RDX: variants seen among roughly 807,000 people sequenced by gnomAD.
RDX encodes deafness, autosomal recessive 24.
Under a neutral mutation model 83.7 loss-of-function variants are expected in RDX, and 32 were observed. The ratio of observed to expected loss-of-function variants is 0.38; its 90% CI spans 0.29 to 0.51. The LOEUF (loss-of-function observed/expected upper bound fraction) is 0.51, where lower values mean the gene tolerates loss of function less well. Among genes scored for constraint, RDX ranks in the 20% least tolerant of loss-of-function variants. The pLI is 0.87. For synonymous variants in RDX, 229 were observed against 222.7 expected (o/e 1.03, Z -0.25); for missense variants, 600 against 689.9 (o/e 0.87, Z 1.46).
intron 14 of RDX, among the ~76,000 whole-genome samples, chr11:110,206,484 CATT>C (rs1329099251): frequency 6.6e-6 from 1 of 151,792 alleles, no homozygotes; most frequent in Non-Finnish European, 1.5e-5. Context: ...CAAAACTAGA[CATT>C]ATATTGTTGT....
chr11:110,197,814 CT>C (rs1416171540), intron 15 of RDX, among the ~76,000 whole-genome samples: 1 of 152,172 alleles, frequency 6.6e-6, no homozygotes, highest in Non-Finnish European at 1.5e-5. Flanking sequence ...AGGATTTTAG[CT>C]CAAATATCAG....
chr11:110,204,707 G>C (rs1863541210), intron 14 of RDX, among the ~76,000 whole-genome samples: 1 of 151,838 alleles, frequency 6.6e-6, no homozygotes, highest in Non-Finnish European at 1.5e-5. Context: ...AGTAGAGACG[G>C]GGCTTTACCA....
At chr11:110,265,517 T>C (rs1860000034) in intron 3 of RDX, among the ~76,000 whole-genome samples, 3 of 151,428 alleles carry the variant, frequency 2.0e-5, no homozygotes, top group Admixed American at 1.3e-4. Flanking sequence ...TATATATATA[T>C]ATAGTTTTCA....
chr11:110,194,840 C>CCTA (rs1369182099), intron 15 of RDX, among the ~76,000 whole-genome samples: 1 of 152,124 alleles, frequency 6.6e-6, no homozygotes, highest in East Asian at 1.9e-4. Flanking sequence ...GATGGAAAAT[C>CCTA]CTATGTCATG....
chr11:110,260,482 C>A (rs1859757284), intron 5 of RDX, among the ~76,000 whole-genome samples: 1 of 152,126 alleles, frequency 6.6e-6, no homozygotes, highest in Non-Finnish European at 1.5e-5. Flanking sequence ...CGCTCTGTCG[C>A]CCAGGCTGGA....
At chr11:110,289,970 A>AAAAAAAAAC (rs1861160012) in intron 1 of RDX, among the ~76,000 whole-genome samples, 1 of 147,866 alleles carries the variant, frequency 6.8e-6, no homozygotes, top group Non-Finnish European at 1.5e-5. Flanking sequence ...AAAAAAAAAA[A>AAAAAAAAAC]AAAAAAAAAA....
chr11:110,206,495 T>G (rs933944775), intron 14 of RDX, among the ~76,000 whole-genome samples: 13 of 152,120 alleles, frequency 8.5e-5, no homozygotes, highest in Non-Finnish European at 2.9e-5. Context: ...ATTATATTGT[T>G]GTAGATACAA....
At chr11:110,179,231 T>A (rs1382119463) in intron 15 of RDX, among the ~76,000 whole-genome samples, 1 of 152,208 alleles carries the variant, frequency 6.6e-6, no homozygotes, top group Non-Finnish European at 1.5e-5. Context: ...TGGGTGATGC[T>A]GGATAAGCTT....
chr11:110,289,410 T>C (rs546907565), intron 1 of RDX, among the ~76,000 whole-genome samples: 4 of 152,296 alleles, frequency 2.6e-5, no homozygotes, highest in African/African-American at 9.6e-5. Context: ...GCTTGTTGAT[T>C]AGATATTAGC....
At position 110,249,829 on chromosome 11, in the gene RDX, G is replaced by A. The variant is rs556741147; in HGVS notation, c.960-1996C>T. ...GTCAATGTTGCAGTTAGCTATGATCGTGCCACTGTGCCCCAGCCTGGCAGG... is the reference window on the plus strand; with the variant it reads ...GTCAATGTTGCAGTTAGCTATGATCATGCCACTGTGCCCCAGCCTGGCAGG... On this transcript the variant is annotated intron_variant, in intron 9 of 13. Coordinates refer to ENST00000645495, the MANE Select transcript of RDX (RefSeq NM_002906.4). Among the ~76,000 whole-genome samples the A allele has an allele frequency of 5.9e-5, 9 of 152,258 alleles. No homozygotes were observed. The South Asian group carries it at 1.0e-3, about 18-fold the overall frequency.
rs761754434 is a variant in RDX, at chr11:110,255,360, A to C, written c.724T>G (p.Trp242Gly). 1 of 1,580,780 alleles carries C rather than the reference A, an allele frequency of 6.3e-7. No homozygotes were observed. ...AATGAAATATTTCTGATTTCACTCC[A>C]GGGAAAACCAATTTTAGGTGTTAAC... is the stretch of plus-strand genomic sequence containing the variant. Reference protein sequence around the residue: ...DKLTPKIGFPWSEIRNISFND... With the variant: ...DKLTPKIGFPGSEIRNISFND... Residue 242 changes from tryptophan to glycine, a missense_variant, in exon 8 of 14, where the codon TGG (tryptophan) becomes GGG (glycine). Coordinates refer to ENST00000645495, the MANE Select transcript of RDX (RefSeq NM_002906.4).
intron 3 of RDX, among the ~76,000 whole-genome samples, chr11:110,270,541 G>A (rs540222181): frequency 2.0e-5 from 3 of 152,208 alleles, no homozygotes; most frequent in South Asian, 2.1e-4. Context: ...ACTGTTCTAC[G>A]CACTTTACAT....
intron 1 of RDX, among the ~76,000 whole-genome samples, chr11:110,284,010 A>AC (rs1860875045): frequency 6.6e-6 from 1 of 152,222 alleles, no homozygotes; most frequent in South Asian, 2.1e-4. Flanking sequence ...GTTAAAAAAA[A>AC]CACACAAATG....
At chr11:110,255,036 C>T (rs1202085634) in intron 8 of RDX, among the ~76,000 whole-genome samples, 1 of 152,002 alleles carries the variant, frequency 6.6e-6, no homozygotes. Context: ...TCATTAGCCT[C>T]CTAATAAATA....
In RDX at chr11:110,290,900, C is replaced by T. The variant is rs73557627; in HGVS notation, c.-65+5567G>A. Among the ~76,000 whole-genome samples the T allele has an allele frequency of 2.0e-3, 298 of 152,306 alleles. 1 individual carries two copies. Among genetic ancestry groups the T allele is most frequent in the African/African-American group, 6.9e-3 (287 of 41,564 alleles). ...ATTTGCCAAGTATTTTAACAAGAAT[C>T]AACACTTTTCCTTTCATAATTTAAC... On this transcript the variant is annotated intron_variant, in intron 1 of 13. Transcript: ENST00000645495.
At chr11:110,236,551 A>T (rs1170765497) in intron 11 of RDX, 1 of 198,298 alleles carries the variant, frequency 5.0e-6, no homozygotes, top group African/African-American at 2.4e-5. Context: ...TTTAAATGGC[A>T]CTTTGTCAAA....
At chr11:110,215,573 G>A (rs908009719) in intron 14 of RDX, among the ~76,000 whole-genome samples, 2 of 152,028 alleles carry the variant, frequency 1.3e-5, no homozygotes, top group African/African-American at 4.8e-5. Flanking sequence ...TCTTCAATCT[G>A]GTGGGTTTGA....
chr11:110,194,791 A>G (rs1863168681), intron 15 of RDX, among the ~76,000 whole-genome samples: 1 of 152,174 alleles, frequency 6.6e-6, no homozygotes, highest in African/African-American at 2.4e-5. Flanking sequence ...TTGTCTCTAA[A>G]ATAACTAGAC....
At chr11:110,220,268 A>T (rs997822042) in intron 14 of RDX, among the ~76,000 whole-genome samples, 1 of 152,198 alleles carries the variant, frequency 6.6e-6, no homozygotes, top group Non-Finnish European at 1.5e-5. Flanking sequence ...AAAATGACAG[A>T]AGTTACTATT....
Sources: gnomAD v4.1 joint callset for allele counts (sites outside exome capture counted in the v4.1 genomes callset) on GRCh38, gnomAD v4.1.1 for gene constraint, MANE v1.5 for transcripts, NCBI Gene and HGNC (gene_info 2026-07-23, HGNC 2026-07-21) for gene names.